FBXO6: variants seen among roughly 807,000 people sequenced by gnomAD.
FBXO6 encodes the protein F-box only protein 6.
A neutral mutation model predicts 25.0 loss-of-function variants in FBXO6; 13 were observed. The observed-to-expected ratio is 0.52, with a 90% confidence interval of 0.34 to 0.83. The LOEUF is 0.83. FBXO6 is among the 40% of genes least tolerant of loss of function. The pLI is 0.02. For missense variants in FBXO6, 370 were observed against 380.2 expected (o/e 0.97, Z 0.22); for synonymous variants, 138 against 155.3 (o/e 0.89, Z 0.83).
Position 11,673,300 on chromosome 1 carries a change from G to C in FBXO6, c.533G>C (p.Gly178Ala). Residue 178 changes from glycine to alanine, a missense_variant, in exon 5 of 6, where the codon GGC becomes GCC. By Grantham distance (60) the Gly-to-Ala change is moderately conservative. Transcript: ENST00000376753. The surrounding 1 kb of genome is among the most constrained non-coding windows in gnomAD (Gnocchi z 4.3). ...KDWFAARADCGCTYQLKVQLA... is the reference protein window; with the variant it reads ...KDWFAARADCACTYQLKVQLA... Reference sequence around the variant, plus strand: ...AGGTTTGCTGCCAGAGCCGACTGTGGCTGCACCTACCAACTCAAAGTGCAG... The same window carrying C: ...AGGTTTGCTGCCAGAGCCGACTGTGCCTGCACCTACCAACTCAAAGTGCAG... 6.2e-7 allele frequency: 1 copy of C among 1,613,860 alleles called. No homozygotes were observed. Among genetic ancestry groups the C allele is most frequent in the Non-Finnish European group, 8.5e-7 (1 of 1,179,950 alleles).
At chr1:11,664,890 G>T (rs957012718) in intron 1 of FBXO6, among the ~76,000 whole-genome samples, 3 of 152,126 alleles carry the variant, frequency 2.0e-5, no homozygotes, top group East Asian at 1.9e-4. Context: ...CAGGGCCGGG[G>T]GGGGGAAGGG....
At position 11,673,633 on chromosome 1, in the gene FBXO6, G is replaced by A. The variant is rs957622429; in HGVS notation, c.664G>A (p.Asp222Asn). The A allele has an allele frequency of 6.8e-6, 11 of 1,613,858 alleles. No individual in the cohort carries two copies. Among genetic ancestry groups the A allele is most frequent in the Non-Finnish European group, 9.3e-6 (11 of 1,179,916 alleles). Reference sequence around the variant, plus strand: ...CCAACAGGTCTCCTACACCTTCTCAGACTACCCCCGGGGTGTCCGCTACAT... The same window carrying A: ...CCAACAGGTCTCCTACACCTTCTCAAACTACCCCCGGGGTGTCCGCTACAT... ...TWTEVSYTFS[D>N]YPRGVRYILF... The change falls in exon 6 of 6, where the codon GAC (aspartate) becomes AAC (asparagine). Residue 222 changes from aspartate to asparagine, a missense_variant. Transcript: ENST00000376753. The surrounding 1 kb of genome is among the most constrained non-coding windows in gnomAD (Gnocchi z 4.3).
Position 11,668,646 on chromosome 1 carries a change from G to A in FBXO6, c.-3-10G>A, listed in dbSNP as rs780939980. On this transcript the variant is annotated splice_polypyrimidine_tract_variant and intron_variant, in intron 1 of 5. Transcript: ENST00000376753. ...CCTGGTCAGGCTCATAACTGCTGTT[G>A]CCCCCACAGGCCATGGATGCTCCCC... 4 of 1,605,292 alleles carry A rather than the reference G, an allele frequency of 2.5e-6. No individual in the cohort carries two copies. The highest frequency in any genetic ancestry group is 1.7e-5 in the Admixed American group (1 of 59,866).
chr1:11,667,023 T>C (rs551765567), intron 1 of FBXO6, among the ~76,000 whole-genome samples: 11 of 152,194 alleles, frequency 7.2e-5, no homozygotes, highest in African/African-American at 2.2e-4. Flanking sequence ...GGCGGGCACC[T>C]GTAATCACAG....
Position 11,673,500 on chromosome 1 carries a change from C to T in FBXO6, c.645+88C>T. 1.3e-6 allele frequency: 2 copies of T among 1,579,262 alleles called. No individual in the cohort carries two copies. Among genetic ancestry groups the T allele is most frequent in the Non-Finnish European group, 1.7e-6 (2 of 1,159,264 alleles). On this transcript the variant is annotated intron_variant, in intron 5 of 5. Coordinates refer to ENST00000376753, the MANE Select transcript of FBXO6 (RefSeq NM_018438.6). This position sits in a 1 kb window ranked among gnomAD's most constrained non-coding sequence, Gnocchi z 4.3. ...AAGGGCAGCCTCAGGGCCCAGGGTG[C>T]CCCTGCTGGCCTGGAGCTGTTGCCT...
At chr1:11,668,091 C>CAAAAAAATAAAA (rs1640494119) in intron 1 of FBXO6, among the ~76,000 whole-genome samples, 1 of 122,416 alleles carries the variant, frequency 8.2e-6, no homozygotes. Context: ...GACTCTGTCT[C>CAAAAAAATAAAA]AAAAAAAAAA....
intron 2 of FBXO6, 58 bp downstream of exon 2, chr1:11,669,002 C>T: frequency 1.3e-6 from 2 of 1,579,922 alleles, no homozygotes; most frequent in Non-Finnish European, 1.7e-6. Context: ...ATCCTTGGGC[C>T]TTGGCACTTG....
chr1:11,671,452 G>A lies in FBXO6; in HGVS notation c.413+60G>A, dbSNP rs1253887374. The A allele has an allele frequency of 5.7e-6, 9 of 1,582,610 alleles. No individual in the cohort carries two copies. In the African/African-American group the frequency reaches 1.1e-4, roughly 19 times the overall value. On this transcript the variant is annotated intron_variant, in intron 3 of 5. Transcript: ENST00000376753. ...GGGGACAGAGGGTCAGGACACCTTT[G>A]CCAAGTCTCAGGCAAAGTCTTCCTA...
chr1:11,669,015 A>G, intron 2 of FBXO6, 71 bp downstream of exon 2: 4 of 1,553,500 alleles, frequency 2.6e-6, no homozygotes, highest in Non-Finnish European at 3.5e-6. Flanking sequence ...GGCACTTGCA[A>G]TTCCCACACT....
intron 3 of FBXO6, 147 bp from the exon 4 acceptor site, chr1:11,671,781 C>T (rs1640621671): frequency 1.4e-6 from 1 of 713,162 alleles, no homozygotes. Context: ...GAGTCAGCCC[C>T]AGCCAGTGCC....
intron 1 of FBXO6, among the ~76,000 whole-genome samples, chr1:11,666,037 C>CTTTTTTTTTTTTT (rs70983580): frequency 7.2e-5 from 7 of 97,380 alleles, no homozygotes; most frequent in East Asian, 2.7e-4. Context: ...TTTCTTTTCT[C>CTTTTTTTTTTTTT]TTTTTTTTTT....
rs564890312 is a variant in FBXO6, at chr1:11,669,824, A to T, written c.286+880A>T. On this transcript the variant is annotated intron_variant, in intron 2 of 5. Coordinates refer to ENST00000376753, the MANE Select transcript of FBXO6 (RefSeq NM_018438.6). ...GCTAATTTTTGTACTTTTAGTAGAGATGAGGTTTTGCCATGTTGGCCAGGC... is the reference window on the plus strand; with the variant it reads ...GCTAATTTTTGTACTTTTAGTAGAGTTGAGGTTTTGCCATGTTGGCCAGGC... Among the ~76,000 whole-genome samples the T allele has an allele frequency of 6.4e-3, 966 of 149,770 alleles. 8 individuals are homozygous for T. Among genetic ancestry groups the T allele is most frequent in the Non-Finnish European group, 0.011 (768 of 67,294 alleles).
At chr1:11,667,599 AT>A (rs5772466) in intron 1 of FBXO6, among the ~76,000 whole-genome samples, 6 of 149,632 alleles carry the variant, frequency 4.0e-5, no homozygotes, top group Non-Finnish European at 8.9e-5. Context: ...CCTCCATCTG[AT>A]TTTTTTTTTC....
In FBXO6 at chr1:11,671,388, T is replaced by G. The variant is rs749241674; in HGVS notation, c.409T>G (p.Tyr137Asp). 13 of 1,613,794 alleles carry G rather than the reference T, an allele frequency of 8.1e-6. No homozygotes were observed. In the South Asian group the frequency reaches 1.4e-4, roughly 18 times the overall value. Residue 137 changes from tyrosine (Y) to aspartate (D), a missense_variant, in exon 3 of 6, where the codon TAC (tyrosine) becomes GAC (aspartate). Physicochemically the swap from Tyr to Asp is radical, Grantham distance 160 (BLOSUM62 -3). Coordinates refer to ENST00000376753, the MANE Select transcript of FBXO6 (RefSeq NM_018438.6). ...PKVKKYFVTS[Y>D]EMCLKSQLVD... ...AGTCAAGAAGTATTTTGTCACATCC[T>G]ACGAGTAAGGCAAACTGAACCTACC...
chr1:11,673,501 C>A lies in FBXO6; in HGVS notation c.645+89C>A. On this transcript the variant is annotated intron_variant, in intron 5 of 5. Transcript: ENST00000376753. This position sits in a 1 kb window ranked among gnomAD's most constrained non-coding sequence, Gnocchi z 4.3. Reference sequence around the variant, plus strand: ...AGGGCAGCCTCAGGGCCCAGGGTGCCCCTGCTGGCCTGGAGCTGTTGCCTT... The same window carrying A: ...AGGGCAGCCTCAGGGCCCAGGGTGCACCTGCTGGCCTGGAGCTGTTGCCTT... 1.3e-6 allele frequency: 2 copies of A among 1,580,304 alleles called. No individual in the cohort carries two copies. Among genetic ancestry groups the A allele is most frequent in the Non-Finnish European group, 1.7e-6 (2 of 1,159,966 alleles).
intron 1 of FBXO6, 91 bp downstream of exon 1, chr1:11,664,346 A>G (rs542869731): frequency 6.6e-6 from 1 of 151,438 alleles, no homozygotes; most frequent in Non-Finnish European, 1.5e-5. Flanking sequence ...GCAGCGCGTG[A>G]CGCGGCGGCG....
chr1:11,670,446 G>A (rs1640583023), intron 2 of FBXO6, among the ~76,000 whole-genome samples: 1 of 151,818 alleles, frequency 6.6e-6, no homozygotes, highest in Non-Finnish European at 1.5e-5. Flanking sequence ...AGCCCTATGG[G>A]AATCTTGGTT....
In FBXO6 at chr1:11,673,577, C is replaced by T. The variant is rs201004358; in HGVS notation, c.646-38C>T. On this transcript the variant is annotated intron_variant, in intron 5 of 5. Coordinates refer to ENST00000376753, the MANE Select transcript of FBXO6 (RefSeq NM_018438.6). This position sits in a 1 kb window ranked among gnomAD's most constrained non-coding sequence, Gnocchi z 4.3. ...ACCTGGCTCCTGCCTTCCCCTCCCCCGTCCCGGTGGTCACTTCCTCTCCCT... is the reference window on the plus strand; with the variant it reads ...ACCTGGCTCCTGCCTTCCCCTCCCCTGTCCCGGTGGTCACTTCCTCTCCCT... 52 of 1,595,726 alleles carry T rather than the reference C, an allele frequency of 3.3e-5. 1 individual carries two copies. The highest frequency in any genetic ancestry group is 2.0e-4 in the East Asian group (9 of 44,568).
intron 1 of FBXO6, among the ~76,000 whole-genome samples, chr1:11,666,013 T>TTC (rs397977576): frequency 1.7e-3 from 258 of 151,008 alleles, no homozygotes; most frequent in Admixed American, 3.4e-3. Flanking sequence ...ATTTTTTTTT[T>TTC]CCATCAAAGC....
Sources: gnomAD v4.1 joint callset for allele counts (sites outside exome capture counted in the v4.1 genomes callset) on GRCh38, gnomAD v4.1.1 for gene constraint, Gnocchi (gnomAD v3.1) non-coding constraint, MANE v1.5 for transcripts, NCBI Gene and HGNC (gene_info 2026-07-23, HGNC 2026-07-21) for gene names.